Variants in FAM185A observed in about 807,000 individuals in gnomAD.
The protein encoded by FAM185A is family with sequence similarity 185 member A.
FAM185A carries 21 observed loss-of-function variants against 45.7 expected under a neutral mutation model. The observed-to-expected ratio is 0.46, with a 90% CI of 0.33 to 0.66. The LOEUF is 0.66. Among genes scored for constraint, FAM185A ranks in the 30% least tolerant of loss-of-function variants. FAM185A has a pLI of 0.03. For synonymous variants in FAM185A, 117 were observed against 194.0 expected (o/e 0.60, Z 3.30); for missense variants, 305 against 485.4 (o/e 0.63, Z 3.49).
intron 4 of FAM185A, among the ~76,000 whole-genome samples, chr7:102,765,298 T>C (rs971880697): frequency 4.6e-5 from 7 of 152,200 alleles, no homozygotes; most frequent in East Asian, 3.8e-4. Flanking sequence ...TTTCAGGACA[T>C]TTATCGTGCT....
At chr7:102,832,614 T>G in the FAM185A span, among the ~76,000 whole-genome samples, 1 of 152,208 alleles carries the variant, frequency 6.6e-6, no homozygotes, top group African/African-American at 2.4e-5. Context: ...CTTTGACACA[T>G]GTTTATATTT....
At chr7:102,848,755 A>G in the FAM185A span, among the ~76,000 whole-genome samples, 84 of 152,212 alleles carry the variant, frequency 5.5e-4, no homozygotes, top group Non-Finnish European at 1.0e-3. Context: ...GCAGTTTGGG[A>G]GGCCAAGGCA....
chr7:102,828,377 C>T, the FAM185A span, among the ~76,000 whole-genome samples: 16 of 152,278 alleles, frequency 1.1e-4, no homozygotes, highest in African/African-American at 3.9e-4. Flanking sequence ...ATGACCATTT[C>T]GAAACCTCTA....
At chr7:102,841,727 G>C in the FAM185A span, among the ~76,000 whole-genome samples, 1 of 152,228 alleles carries the variant, frequency 6.6e-6, no homozygotes, top group Non-Finnish European at 1.5e-5. Flanking sequence ...CACAGGCTTT[G>C]AAGAAAGAAT....
intron 6 of FAM185A, among the ~76,000 whole-genome samples, chr7:102,787,081 C>T (rs573412450): frequency 5.3e-4 from 81 of 152,210 alleles, no homozygotes; most frequent in African/African-American, 1.6e-3. Flanking sequence ...CTGTGTAGGA[C>T]TATTGGCAAA....
At chr7:102,849,581 G>A in the FAM185A span, among the ~76,000 whole-genome samples, 1 of 152,130 alleles carries the variant, frequency 6.6e-6, no homozygotes, top group Non-Finnish European at 1.5e-5. Context: ...TTTATAAAGT[G>A]CAGATAATCT....
chr7:102,769,723 C>G (rs1369441633), intron 4 of FAM185A, among the ~76,000 whole-genome samples: 2 of 151,894 alleles, frequency 1.3e-5, no homozygotes, highest in Admixed American at 1.3e-4. Context: ...AGTCTGAGGT[C>G]TAGGAGCCGC....
chr7:102,773,932 G>A (rs1794906244), intron 5 of FAM185A, among the ~76,000 whole-genome samples: 1 of 152,056 alleles, frequency 6.6e-6, no homozygotes, highest in Admixed American at 6.6e-5. Flanking sequence ...CTGTAAATCA[G>A]GTAGTTGAAG....
chr7:102,803,048 C>T (rs1479125094), intron 7 of FAM185A, among the ~76,000 whole-genome samples: 2 of 151,890 alleles, frequency 1.3e-5, no homozygotes, highest in Non-Finnish European at 2.9e-5. Flanking sequence ...TTAAAAATTA[C>T]CAACCAAAAA....
At chr7:102,760,306 T>C (rs1584283219) in intron 3 of FAM185A, among the ~76,000 whole-genome samples, 1 of 152,142 alleles carries the variant, frequency 6.6e-6, no homozygotes, top group Non-Finnish European at 1.5e-5. Flanking sequence ...GTCAGGAAGA[T>C]ACTGATTTTT....
At chr7:102,826,069 T>C in the FAM185A span, among the ~76,000 whole-genome samples, 11 of 152,190 alleles carry the variant, frequency 7.2e-5, no homozygotes, top group African/African-American at 2.7e-4. Flanking sequence ...GTAGGACCTC[T>C]TTATACAAAA....
chr7:102,826,724 C>CATATATAT, the FAM185A span, among the ~76,000 whole-genome samples: 336 of 62,436 alleles, frequency 5.4e-3, 2 homozygotes, highest in Middle Eastern at 0.011. Context: ...GACCCTGTCT[C>CATATATAT]ATATATATAT....
chr7:102,800,621 T>C (rs1215401877), intron 7 of FAM185A, among the ~76,000 whole-genome samples: 3 of 151,944 alleles, frequency 2.0e-5, no homozygotes, highest in South Asian at 2.1e-4. Context: ...AGCAATAGAA[T>C]TGAATAAGTA....
At chr7:102,849,352 A>G in the FAM185A span, among the ~76,000 whole-genome samples, 1 of 152,270 alleles carries the variant, frequency 6.6e-6, no homozygotes, top group East Asian at 1.9e-4. Flanking sequence ...CTGAGGCTCC[A>G]GACACTGACT....
intron 6 of FAM185A, among the ~76,000 whole-genome samples, chr7:102,779,136 A>T (rs1255319304): frequency 6.6e-6 from 1 of 152,180 alleles, no homozygotes; most frequent in Non-Finnish European, 1.5e-5. Context: ...CCTTCAATAA[A>T]TGATGCTGTT....
intron 7 of FAM185A, among the ~76,000 whole-genome samples, chr7:102,791,133 G>A (rs1400769097): frequency 6.6e-6 from 1 of 152,056 alleles, no homozygotes; most frequent in Non-Finnish European, 1.5e-5. Context: ...TTTGGGAGAG[G>A]TCAGATCATA....
chr7:102,752,491 C>T (rs1411288126), intron 2 of FAM185A, among the ~76,000 whole-genome samples: 2 of 151,542 alleles, frequency 1.3e-5, no homozygotes, highest in Non-Finnish European at 2.9e-5. Context: ...AGGCTGGTCT[C>T]GATCTCCTGA....
the FAM185A span, among the ~76,000 whole-genome samples, chr7:102,844,289 G>A: frequency 1.3e-5 from 2 of 152,110 alleles, no homozygotes; most frequent in Admixed American, 6.5e-5. Flanking sequence ...GACGATTATC[G>A]AAGTCTGAAT....
At chr7:102,779,147 A>G (rs1310514317) in intron 6 of FAM185A, among the ~76,000 whole-genome samples, 1 of 152,182 alleles carries the variant, frequency 6.6e-6, no homozygotes, top group African/African-American at 2.4e-5. Flanking sequence ...TGATGCTGTT[A>G]GTTCACATTT....
Sources: gnomAD v4.1 joint callset for allele counts (sites outside exome capture counted in the v4.1 genomes callset) on GRCh38, gnomAD v4.1.1 for gene constraint, MANE v1.5 for transcripts, NCBI Gene and HGNC (gene_info 2026-07-23, HGNC 2026-07-21) for gene names.